The following PCSK5 variants were observed in gnomAD, a reference collection of about 807,000 sequenced individuals.
PCSK5 encodes proprotein convertase subtilisin/kexin type 5.
PCSK5 carries 129 observed loss-of-function variants against 233.2 expected under a neutral mutation model. That is an observed-to-expected ratio of 0.55 (90% CI 0.48 to 0.64). PCSK5 has a LOEUF of 0.64. Among genes scored for constraint, PCSK5 ranks in the 30% least tolerant of loss-of-function variants. The probability of loss-of-function intolerance (pLI) is 0.00; values close to 1 mark genes in which losing one functional copy is unlikely to be tolerated. For synonymous variants in PCSK5, 825 were observed against 879.2 expected (o/e 0.94, Z 1.09); for missense variants, 2,076 against 2,430.1 (o/e 0.85, Z 3.06).
At chr9:76,355,776 T>C (rs1168251845) in intron 37 of PCSK5, among the ~76,000 whole-genome samples, 2 of 152,082 alleles carry the variant, frequency 1.3e-5, no homozygotes, top group African/African-American at 4.8e-5. Flanking sequence ...CAATCTCGGC[T>C]CACGGCAACC....
intron 22 of PCSK5, among the ~76,000 whole-genome samples, chr9:76,237,890 G>A (rs762331220): frequency 3.3e-5 from 5 of 152,194 alleles, no homozygotes; most frequent in African/African-American, 9.6e-5. Context: ...GCAATTTCAC[G>A]TGGGTCAATT....
rs917856542 is a variant in PCSK5 at position 76,343,221 on chromosome 9, G to A, written c.4966+4774G>A. On this transcript the variant is annotated intron_variant, in intron 35 of 37. Coordinates refer to ENST00000674117, the MANE Select transcript of PCSK5 (RefSeq NM_001372043.1). Reference sequence around the variant, plus strand: ...GCTGTGTCACCTAGGCTGGCATGCGGTGGCATGATCTTGGCTCACTACAAC... The same window carrying A: ...GCTGTGTCACCTAGGCTGGCATGCGATGGCATGATCTTGGCTCACTACAAC... 4.0e-5 allele frequency among the ~76,000 whole-genome samples: 6 copies of A among 150,926 alleles called. No individual in the cohort carries two copies. The East Asian group carries it at 9.8e-4, about 25-fold the overall frequency.
intron 1 of PCSK5, among the ~76,000 whole-genome samples, chr9:75,897,828 T>C (rs1310990234): frequency 6.6e-6 from 1 of 152,160 alleles, no homozygotes; most frequent in Non-Finnish European, 1.5e-5. Context: ...GTCTTTTAGT[T>C]TGACTCCAGT....
In PCSK5 at chr9:76,226,146, G is replaced by T. The variant is rs151064518; in HGVS notation, c.2627-1357G>T. Among the ~76,000 whole-genome samples the T allele has an allele frequency of 2.6e-5, 4 of 152,142 alleles. No homozygotes were observed. The South Asian group carries it at 6.2e-4, about 24-fold the overall frequency. On this transcript the variant is annotated intron_variant, in intron 20 of 37. Transcript: ENST00000674117. ...AGGAACAGAGCCCGGGGTGTGCAGGGTGTGCTGTGATTAGATGTTTGCATC... is the reference window on the plus strand; with the variant it reads ...AGGAACAGAGCCCGGGGTGTGCAGGTTGTGCTGTGATTAGATGTTTGCATC...
intron 5 of PCSK5, among the ~76,000 whole-genome samples, chr9:76,048,083 TCA>T (rs1426949316): frequency 6.6e-6 from 1 of 152,208 alleles, no homozygotes; most frequent in African/African-American, 2.4e-5. Context: ...TTTACTGATC[TCA>T]CACTTCTGAA....
chr9:76,255,712 AT>A (rs1174400497), intron 24 of PCSK5, among the ~76,000 whole-genome samples: 1 of 152,068 alleles, frequency 6.6e-6, no homozygotes, highest in Non-Finnish European at 1.5e-5. Context: ...ACACGCACCC[AT>A]AGTCCCAGCT....
chr9:76,285,415 A>C (rs1828033105), intron 24 of PCSK5, among the ~76,000 whole-genome samples: 1 of 152,200 alleles, frequency 6.6e-6, no homozygotes, highest in Non-Finnish European at 1.5e-5. Context: ...ACTTGAGAAG[A>C]GAGTGAGAGA....
At chr9:75,953,630 G>C (rs1162290513) in intron 2 of PCSK5, among the ~76,000 whole-genome samples, 6 of 147,056 alleles carry the variant, frequency 4.1e-5, no homozygotes, top group African/African-American at 1.5e-4. Context: ...TTATTGGCGT[G>C]CATATGTGTG....
intron 2 of PCSK5, among the ~76,000 whole-genome samples, chr9:75,944,783 C>A (rs913812174): frequency 3.0e-4 from 46 of 152,240 alleles, no homozygotes; most frequent in African/African-American, 1.0e-3. Context: ...ACATCCCCAA[C>A]TAGATGTTTA....
intron 17 of PCSK5, 126 bp from the exon 18 acceptor site, chr9:76,188,452 T>C (rs1296939387): frequency 1.6e-6 from 1 of 637,150 alleles, no homozygotes. Flanking sequence ...TCCCCGGCTT[T>C]GAAGCTTTGC....
At chr9:75,960,144 G>A (rs1389458032) in intron 2 of PCSK5, among the ~76,000 whole-genome samples, 4 of 152,166 alleles carry the variant, frequency 2.6e-5, no homozygotes, top group African/African-American at 9.7e-5. Flanking sequence ...GATTGAAGAA[G>A]CAACGTAGAA....
At chr9:76,303,871 G>T (rs1307828183) in intron 28 of PCSK5, among the ~76,000 whole-genome samples, 1 of 152,148 alleles carries the variant, frequency 6.6e-6, no homozygotes, top group African/African-American at 2.4e-5. Context: ...GCTTTAATTA[G>T]TGTATTGGAA....
In PCSK5 at chr9:76,233,495, C is replaced by A; in HGVS notation, c.2765C>A (p.Pro922His). The A allele has an allele frequency of 6.2e-7, 1 of 1,612,718 alleles. No homozygotes were observed. Among genetic ancestry groups the A allele is most frequent in the Admixed American group, 1.7e-5 (1 of 60,016 alleles). Residue 922 changes from proline (P) to histidine (H), a missense_variant, in exon 22 of 38, where the codon CCC (proline) becomes CAC (histidine). Physicochemically the swap from Pro to His is moderately conservative, Grantham distance 77 (BLOSUM62 -2). Around this residue, in one of 6 missense-constraint regions of PCSK5, gnomAD observed 1,510 missense variants for 1,538.1 expected, o/e 0.98. Transcript: ENST00000674117. ...GATGGCCGCTGTGTTTCGAACTGCC[C>A]CTCATGGAAATTTGAATTTGAGAAC... ...FDDGRCVSNC[P>H]SWKFEFENQC...
At chr9:76,279,684 C>T (rs577153911) in intron 24 of PCSK5, among the ~76,000 whole-genome samples, 234 of 151,300 alleles carry the variant, frequency 1.5e-3, no homozygotes, top group Middle Eastern at 3.4e-3. Context: ...CATTTTTTCA[C>T]ATGTTTTTTG....
rs1047391725 is a variant in PCSK5 at position 76,163,491 on chromosome 9, G to A, written c.1619+4320G>A. On this transcript the variant is annotated intron_variant, in intron 12 of 37. Transcript: ENST00000674117. ...CGTGCATGCTCCCCTGGCAAGCCCC[G>A]TGGATCATTCAGTGGGTGTGTGCCG... 6.6e-5 allele frequency among the ~76,000 whole-genome samples: 10 copies of A among 152,316 alleles called. No individual in the cohort carries two copies. In the East Asian group the frequency reaches 1.7e-3, roughly 26 times the overall value.
chr9:76,299,136 A>G (rs1828531163), intron 27 of PCSK5, among the ~76,000 whole-genome samples: 1 of 152,198 alleles, frequency 6.6e-6, no homozygotes. Flanking sequence ...TTCTTTGCCA[A>G]CTGCCAACAA....
At position 76,189,725 on chromosome 9, in the gene PCSK5, A is replaced by C. The variant is rs1461735253; in HGVS notation, c.2605A>C (p.Met869Leu). ...TCTCTTAGACTTAGGAATGTGTCAA[A>C]TGGGAGCCATTTGCAAGGATGGTGA... ...GYLLDLGMCQ[M>L]GAICKDGEYV... Residue 869 changes from methionine to leucine, a missense_variant, in exon 20 of 38, where the codon ATG becomes CTG. Met to Leu is a conservative substitution (Grantham distance 15). Transcript: ENST00000674117. 3.1e-6 allele frequency: 5 copies of C among 1,601,662 alleles called. No individual in the cohort carries two copies. The Admixed American group carries it at 8.3e-5, about 27-fold the overall frequency.
chr9:76,193,496 A>C (rs975939766), intron 20 of PCSK5: 6 of 633,436 alleles, frequency 9.5e-6, no homozygotes, highest in Admixed American at 3.4e-5. Context: ...CTCTCTCTCA[A>C]GTTTGTGCAG....
intron 2 of PCSK5, among the ~76,000 whole-genome samples, chr9:75,933,310 G>A (rs567131943): frequency 2.1e-4 from 32 of 152,234 alleles, no homozygotes; most frequent in Admixed American, 1.6e-3. Context: ...TCAAGTAAAG[G>A]GGAAGAGGGC....
Sources: gnomAD v4.1 joint callset for allele counts (sites outside exome capture counted in the v4.1 genomes callset) on GRCh38, gnomAD v4.1.1 for gene constraint, gnomAD v4.1.1 regional missense constraint, MANE v1.5 for transcripts, NCBI Gene and HGNC (gene_info 2026-07-23, HGNC 2026-07-21) for gene names.